GRIA4: variants seen among roughly 807,000 people sequenced by gnomAD.
GRIA4 encodes the protein glutamate receptor 4.
GRIA4 carries 34 observed loss-of-function variants against 104.0 expected under a neutral mutation model. The observed-to-expected ratio is 0.33, with a 90% CI of 0.25 to 0.44. The LOEUF is 0.44. Ranked by LOEUF, GRIA4 falls within the 20% of genes least tolerant of loss-of-function variation. The pLI, the probability that GRIA4 is intolerant of heterozygous loss-of-function variation, is 1.00. For missense variants in GRIA4, 750 were observed against 1,096.5 expected, an observed-to-expected ratio of 0.68 and a Z score of 4.46; for synonymous variants, 386 against 381.9, an observed-to-expected ratio of 1.01 and a Z score of -0.13.
At chr11:105,781,410 C>G (rs1941720636) in intron 4 of GRIA4, among the ~76,000 whole-genome samples, 3 of 151,458 alleles carry the variant, frequency 2.0e-5, no homozygotes, top group Non-Finnish European at 2.9e-5. Context: ...TTCATATATG[C>G]TCTTGTTCTT....
intron 14 of GRIA4, among the ~76,000 whole-genome samples, chr11:105,940,336 T>C (rs1198454862): frequency 2.0e-5 from 3 of 152,080 alleles, no homozygotes; most frequent in Admixed American, 2.0e-4. Context: ...CACTCCAGCC[T>C]GGGCAACACA....
At chr11:105,907,026 A>G (rs1947064289) in intron 9 of GRIA4, among the ~76,000 whole-genome samples, 2 of 152,232 alleles carry the variant, frequency 1.3e-5, no homozygotes, top group South Asian at 4.1e-4. Context: ...GCAAATGACA[A>G]TTACTTATTT....
intron 14 of GRIA4, among the ~76,000 whole-genome samples, chr11:105,959,934 T>G (rs1031270918): frequency 6.6e-6 from 1 of 152,226 alleles, no homozygotes; most frequent in Non-Finnish European, 1.5e-5. Flanking sequence ...TTTGCTCCTG[T>G]GCAGGAAGAT....
intron 13 of GRIA4, among the ~76,000 whole-genome samples, chr11:105,930,805 G>A (rs1348661639): frequency 6.6e-6 from 1 of 151,848 alleles, no homozygotes; most frequent in East Asian, 1.9e-4. Flanking sequence ...CCATAAAATA[G>A]CTCAATTAAA....
intron 14 of GRIA4, among the ~76,000 whole-genome samples, chr11:105,939,916 C>G (rs1404321794): frequency 6.6e-6 from 1 of 152,144 alleles, no homozygotes; most frequent in African/African-American, 2.4e-5. Context: ...AAGGAGGAAC[C>G]ATTACCTTCT....
chr11:105,718,548 T>A (rs1443243376), intron 3 of GRIA4, among the ~76,000 whole-genome samples: 1 of 152,128 alleles, frequency 6.6e-6, no homozygotes, highest in African/African-American at 2.4e-5. Context: ...CCCATATAAA[T>A]TACAACAGAA....
rs199898873 is a variant in GRIA4, at chr11:105,738,944, A to C, written c.248-14037A>C. Among the ~76,000 whole-genome samples, 391 of 109,472 alleles carry C rather than the reference A, an allele frequency of 3.6e-3. 3 individuals are homozygous for C. In the South Asian group the frequency reaches 0.039, roughly 11 times the overall value. 71.8% of individuals were successfully genotyped at this position (109,472 alleles called of 152,430 possible). On this transcript the variant is annotated intron_variant, in intron 3 of 16. Coordinates refer to ENST00000282499, the MANE Select transcript of GRIA4 (RefSeq NM_000829.4). ...GTAAAAAAAAACAAAAAAAAAAAAA[A>C]CAAAAAAAACCCAAAAAAAAACCCA...
intron 4 of GRIA4, among the ~76,000 whole-genome samples, chr11:105,846,712 T>G (rs1944609371): frequency 1.3e-5 from 2 of 152,180 alleles, no homozygotes; most frequent in South Asian, 4.1e-4. Flanking sequence ...AAAAAATATT[T>G]AGTATACCAA....
chr11:105,624,906 G>A (rs1950846789), intron 3 of GRIA4, among the ~76,000 whole-genome samples: 1 of 151,774 alleles, frequency 6.6e-6, no homozygotes, highest in African/African-American at 2.4e-5. Flanking sequence ...TATTATAAAT[G>A]TATATGTATA....
intron 4 of GRIA4, among the ~76,000 whole-genome samples, chr11:105,798,854 C>T (rs1375450584): frequency 1.3e-5 from 2 of 152,048 alleles, no homozygotes; most frequent in East Asian, 3.9e-4. Flanking sequence ...TCAGGTAGTG[C>T]TCAGGTTTTA....
At chr11:105,826,817 T>C (rs1217845622) in intron 4 of GRIA4, among the ~76,000 whole-genome samples, 1 of 151,976 alleles carries the variant, frequency 6.6e-6, no homozygotes, top group South Asian at 2.1e-4. Context: ...CAAGGAAGTC[T>C]CCTGTGCGAA....
intron 4 of GRIA4, among the ~76,000 whole-genome samples, chr11:105,810,438 T>C (rs990125064): frequency 6.6e-6 from 1 of 152,148 alleles, no homozygotes; most frequent in East Asian, 1.9e-4. Context: ...GAGGACCTAA[T>C]AGACTCCAGG....
intron 4 of GRIA4, among the ~76,000 whole-genome samples, chr11:105,763,843 G>C (rs1940796396): frequency 1.3e-5 from 2 of 152,258 alleles, no homozygotes; most frequent in African/African-American, 4.8e-5. Flanking sequence ...CCATGCCATG[G>C]GTATTTGATG....
chr11:105,789,393 A>AT (rs1942118333), intron 4 of GRIA4, among the ~76,000 whole-genome samples: 1 of 152,146 alleles, frequency 6.6e-6, no homozygotes, highest in Non-Finnish European at 1.5e-5. Flanking sequence ...GCCCCCATTG[A>AT]TTTTTATCTT....
chr11:105,956,848 C>G (rs1405931608), intron 14 of GRIA4, among the ~76,000 whole-genome samples: 2 of 152,200 alleles, frequency 1.3e-5, no homozygotes, highest in Non-Finnish European at 2.9e-5. Context: ...TAGCATTTCT[C>G]TGATGGCCAG....
At chr11:105,762,080 A>T (rs927142569) in intron 4 of GRIA4, among the ~76,000 whole-genome samples, 3 of 151,644 alleles carry the variant, frequency 2.0e-5, no homozygotes, top group Admixed American at 2.0e-4. Context: ...CTGAAGTGCA[A>T]TTGTGTGATC....
At chr11:105,694,131 A>G (rs1953186228) in intron 3 of GRIA4, among the ~76,000 whole-genome samples, 2 of 149,580 alleles carry the variant, frequency 1.3e-5, no homozygotes, top group South Asian at 4.3e-4. Flanking sequence ...CTAGTAATGC[A>G]TTTTTAAGAA....
In GRIA4 at chr11:105,753,194, T is replaced by C. The variant is rs1293059757; in HGVS notation, c.461T>C (p.Phe154Ser). Residue 154 changes from phenylalanine (F) to serine (S), a missense_variant, in exon 4 of 17, where the codon TTT (phenylalanine) becomes TCT (serine). Around this residue, in one of 3 missense-constraint regions of GRIA4, gnomAD observed 410 missense variants for 502.7 expected, o/e 0.82. Coordinates refer to ENST00000282499, the MANE Select transcript of GRIA4 (RefSeq NM_000829.4). ...CTGGATCACTACGAATGGAACTGTT[T>C]TGTCTTCCTGTATGACACAGACAGG... ...SLLDHYEWNC[F>S]VFLYDTDRGY... 2 of 1,613,762 alleles carry C rather than the reference T, an allele frequency of 1.2e-6. No homozygotes were observed.
At chr11:105,705,151 G>A (rs1953647567) in intron 3 of GRIA4, among the ~76,000 whole-genome samples, 1 of 152,038 alleles carries the variant, frequency 6.6e-6, no homozygotes, top group African/African-American at 2.4e-5. Context: ...AACACATTTG[G>A]GGCATCACTG....
Sources: gnomAD v4.1 joint callset for allele counts (sites outside exome capture counted in the v4.1 genomes callset) on GRCh38, gnomAD v4.1.1 for gene constraint, gnomAD v4.1.1 regional missense constraint, MANE v1.5 for transcripts, NCBI Gene and HGNC (gene_info 2026-07-23, HGNC 2026-07-21) for gene names.